Variants in HOMER1 observed in about 807,000 individuals in gnomAD.
HOMER1 encodes homer protein homolog 1.
In HOMER1, 3 loss-of-function variants were observed where a neutral mutation model predicts 48.9. The observed-to-expected ratio is 0.06, with a 90% CI of 0.03 to 0.16. HOMER1 has a LOEUF of 0.16. HOMER1 is among the 10% of genes least tolerant of loss of function. The probability of loss-of-function intolerance (pLI) is 1.00; values close to 1 mark genes in which losing one functional copy is unlikely to be tolerated. For missense variants in HOMER1, 247 were observed against 411.4 expected (o/e 0.60, Z 3.46); for synonymous variants, 134 against 146.4 (o/e 0.92, Z 0.61).
chr5:79,443,658 C>T (rs900552657), intron 4 of HOMER1, among the ~76,000 whole-genome samples: 3 of 152,156 alleles, frequency 2.0e-5, no homozygotes, highest in Non-Finnish European at 2.9e-5. Flanking sequence ...ATGCTAAGTA[C>T]TTTCTAATCC....
intron 5 of HOMER1, among the ~76,000 whole-genome samples, chr5:79,423,280 T>A (rs1027407752): frequency 3.3e-5 from 5 of 152,156 alleles, no homozygotes; most frequent in Non-Finnish European, 7.4e-5. Context: ...CTAAAATCCA[T>A]CCCCAAGTAT....
At chr5:79,502,338 G>A (rs527607579) in intron 1 of HOMER1, among the ~76,000 whole-genome samples, 1 of 151,964 alleles carries the variant, frequency 6.6e-6, no homozygotes, top group South Asian at 2.1e-4. Context: ...ACATTTTACT[G>A]TAATAAATAT....
intron 1 of HOMER1, among the ~76,000 whole-genome samples, chr5:79,478,850 G>T (rs558225466): frequency 1.3e-5 from 2 of 152,194 alleles, no homozygotes; most frequent in East Asian, 1.9e-4. Flanking sequence ...TACTTAGGAG[G>T]CTGAGGCTGG....
At chr5:79,467,169 CG>C (rs1278570526) in intron 1 of HOMER1, among the ~76,000 whole-genome samples, 1 of 151,052 alleles carries the variant, frequency 6.6e-6, no homozygotes, top group Non-Finnish European at 1.5e-5. Flanking sequence ...GAAGCTAAGG[CG>C]GGCGGATCAC....
At chr5:79,447,713 A>C (rs1298385710) in intron 3 of HOMER1, among the ~76,000 whole-genome samples, 1 of 152,218 alleles carries the variant, frequency 6.6e-6, no homozygotes, top group Non-Finnish European at 1.5e-5. Flanking sequence ...GAAAGGAATA[A>C]TACTCAGTGG....
intron 1 of HOMER1, among the ~76,000 whole-genome samples, chr5:79,457,219 T>G: frequency 6.6e-6 from 1 of 152,228 alleles, no homozygotes; most frequent in East Asian, 1.9e-4. Flanking sequence ...CCTCATTATT[T>G]GAAGAGTCTG....
intron 3 of HOMER1, among the ~76,000 whole-genome samples, chr5:79,448,334 A>C (rs995467659): frequency 6.6e-6 from 1 of 152,194 alleles, no homozygotes; most frequent in African/African-American, 2.4e-5. Context: ...TTCTTACACT[A>C]ATTTAACATT....
intron 8 of HOMER1, among the ~76,000 whole-genome samples, chr5:79,392,007 A>G (rs1003933961): frequency 3.3e-5 from 5 of 152,128 alleles, no homozygotes; most frequent in African/African-American, 1.2e-4. Context: ...TCACAGCACA[A>G]TGCCGTACTC....
intron 8 of HOMER1, among the ~76,000 whole-genome samples, chr5:79,396,293 T>TA (rs141457964): frequency 2.4e-3 from 356 of 148,036 alleles, no homozygotes; most frequent in African/African-American, 9.0e-3. Context: ...TAGTACATTG[T>TA]AAAATAATAA....
At chr5:79,408,087 T>C (rs1163449430) in intron 5 of HOMER1, among the ~76,000 whole-genome samples, 1 of 152,150 alleles carries the variant, frequency 6.6e-6, no homozygotes, top group Non-Finnish European at 1.5e-5. Context: ...CACAGGTATG[T>C]ATCTACAGAA....
chr5:79,492,029 T>C (rs975934242), intron 1 of HOMER1, among the ~76,000 whole-genome samples: 4 of 152,190 alleles, frequency 2.6e-5, no homozygotes, highest in Non-Finnish European at 5.9e-5. Flanking sequence ...TGCTACACTT[T>C]ACCATAGTTA....
In HOMER1 at chr5:79,414,163, C is replaced by A. The variant is rs76227157; in HGVS notation, c.528-12108G>T. 7.7e-3 allele frequency among the ~76,000 whole-genome samples: 1,164 copies of A among 152,130 alleles called. 12 individuals carry two copies. Among genetic ancestry groups the A allele is most frequent in the African/African-American group, 0.025 (1,042 of 41,486 alleles). The stretch of plus-strand genomic sequence containing the variant: ...AGTGCAGTGATGTGATCACTGCAAC[C>A]TCTGCCTCCCCCAGGCTCAGGCAAT... On this transcript the variant is annotated intron_variant, in intron 5 of 8. Transcript: ENST00000334082.
intron 8 of HOMER1, among the ~76,000 whole-genome samples, chr5:79,378,023 G>A (rs1038081665): frequency 4.6e-5 from 7 of 152,080 alleles, no homozygotes; most frequent in African/African-American, 1.7e-4. Flanking sequence ...GTCGAGACCA[G>A]CCTGGCCAAC....
chr5:79,444,988 A>G (rs1028971487), intron 4 of HOMER1, among the ~76,000 whole-genome samples: 1 of 152,152 alleles, frequency 6.6e-6, no homozygotes, highest in Non-Finnish European at 1.5e-5. Context: ...CTTTAGTCTA[A>G]GGGAATATGC....
chr5:79,377,312 G>A (rs1331357733), intron 8 of HOMER1, among the ~76,000 whole-genome samples: 1 of 152,072 alleles, frequency 6.6e-6, no homozygotes, highest in Non-Finnish European at 1.5e-5. Flanking sequence ...ATATAATAAA[G>A]TGAGTCTAAA....
At chr5:79,414,358 A>G (rs1468068347) in intron 5 of HOMER1, among the ~76,000 whole-genome samples, 1 of 149,408 alleles carries the variant, frequency 6.7e-6, no homozygotes, top group East Asian at 2.0e-4. Flanking sequence ...GCCTCCCAAC[A>G]GTGCACCTGG....
chr5:79,377,993 G>T (rs1429665151), intron 8 of HOMER1, among the ~76,000 whole-genome samples: 1 of 152,142 alleles, frequency 6.6e-6, no homozygotes, highest in African/African-American at 2.4e-5. Flanking sequence ...CTGGGAGGCT[G>T]AATCACCTGA....
chr5:79,376,269 T>A, intron 8 of HOMER1, 72 bp from the exon 9 acceptor site: 1 of 1,118,694 alleles, frequency 8.9e-7, no homozygotes, highest in Non-Finnish European at 1.3e-6. Flanking sequence ...TCTCTGTTAT[T>A]ACCAATATTG....
chr5:79,488,760 G>C (rs1025907801), intron 1 of HOMER1, among the ~76,000 whole-genome samples: 3 of 152,134 alleles, frequency 2.0e-5, no homozygotes, highest in African/African-American at 7.2e-5. Flanking sequence ...TCAGGCACTA[G>C]ACCCTTTGTA....
Sources: gnomAD v4.1 joint callset for allele counts (sites outside exome capture counted in the v4.1 genomes callset) on GRCh38, gnomAD v4.1.1 for gene constraint, MANE v1.5 for transcripts, NCBI Gene and HGNC (gene_info 2026-07-23, HGNC 2026-07-21) for gene names.